TRIM16: variants seen among roughly 807,000 people sequenced by gnomAD.
TRIM16 encodes the protein tripartite motif containing 16.
Under a neutral mutation model 50.4 loss-of-function variants are expected in TRIM16, and 33 were observed. The ratio of observed to expected loss-of-function variants is 0.65; its 90% CI spans 0.50 to 0.88. The LOEUF is 0.88. Ranked by LOEUF, TRIM16 falls within the 40% of genes least tolerant of loss-of-function variation. TRIM16 has a pLI of 0.00. For synonymous variants in TRIM16, 229 were observed against 270.7 expected, an observed-to-expected ratio of 0.85 and a Z score of 1.51; for missense variants, 581 against 686.8, an observed-to-expected ratio of 0.85 and a Z score of 1.72.
At chr17:15,661,944 C>T (rs7213845) in intron 6 of TRIM16, among the ~76,000 whole-genome samples, 5,875 of 152,260 alleles carry the variant, frequency 0.039, 298 homozygotes, top group African/African-American at 0.12. Context: ...CAGGCCCAGG[C>T]ATCTGAATCC....
intron 6 of TRIM16, among the ~76,000 whole-genome samples, chr17:15,664,372 C>T (rs565423388): frequency 2.6e-4 from 40 of 152,250 alleles, no homozygotes; most frequent in Non-Finnish European, 3.7e-4. Context: ...GCACAGAAGA[C>T]GGGGACAGTA....
At chr17:15,643,648 A>G (rs1207869864) in intron 7 of TRIM16, among the ~76,000 whole-genome samples, 4 of 150,926 alleles carry the variant, frequency 2.7e-5, no homozygotes, top group Admixed American at 6.6e-5. Context: ...GGTCACTCAT[A>G]TTTGGCTCAG....
chr17:15,679,708 C>T (rs141095804), intron 4 of TRIM16, among the ~76,000 whole-genome samples: 1,760 of 152,198 alleles, frequency 0.012, 23 homozygotes, highest in Non-Finnish European at 0.02. Flanking sequence ...GAGGCCGAGG[C>T]GGGCAGATCA....
At chr17:15,650,289 C>T (rs1229360674) in intron 7 of TRIM16, among the ~76,000 whole-genome samples, 1 of 152,134 alleles carries the variant, frequency 6.6e-6, no homozygotes, top group Non-Finnish European at 1.5e-5. Flanking sequence ...CGACTGAAAA[C>T]TAAAAGTGTT....
intron 6 of TRIM16, among the ~76,000 whole-genome samples, chr17:15,673,180 G>T (rs1172803996): frequency 6.6e-6 from 1 of 152,208 alleles, no homozygotes; most frequent in Non-Finnish European, 1.5e-5. Context: ...ATTACTTTAA[G>T]AAGTCTTATT....
chr17:15,663,114 A>G (rs1278134573), intron 6 of TRIM16, among the ~76,000 whole-genome samples: 2 of 152,144 alleles, frequency 1.3e-5, no homozygotes, highest in African/African-American at 2.4e-5. Flanking sequence ...ATACCCCCTC[A>G]GGAACTGGCA....
chr17:15,658,769 T>A, intron 6 of TRIM16: 1 of 983,986 alleles, frequency 1.0e-6, no homozygotes, highest in Non-Finnish European at 1.2e-6. Context: ...GCATCACTCC[T>A]CTAGAAACCA....
At chr17:15,678,144 G>C (rs577791427) in intron 4 of TRIM16, among the ~76,000 whole-genome samples, 10 of 151,826 alleles carry the variant, frequency 6.6e-5, no homozygotes, top group Non-Finnish European at 1.5e-4. Context: ...GCGTGAACCC[G>C]GGAGGCGAAG....
chr17:15,629,240 C>T, intron 11 of TRIM16, 42 bp from the exon 12 acceptor site: 3 of 1,502,522 alleles, frequency 2.0e-6, no homozygotes, highest in Non-Finnish European at 2.7e-6. Context: ...CAGGAACTGA[C>T]AGCTGATTCA....
At chr17:15,662,625 A>G (rs1988291846) in intron 6 of TRIM16, among the ~76,000 whole-genome samples, 1 of 152,122 alleles carries the variant, frequency 6.6e-6, no homozygotes, top group African/African-American at 2.4e-5. Context: ...CGAGCTTGAG[A>G]GCAGATCAGC....
chr17:15,652,931 T>G (rs1987797974), intron 6 of TRIM16, among the ~76,000 whole-genome samples: 2 of 152,180 alleles, frequency 1.3e-5, no homozygotes, highest in African/African-American at 4.8e-5. Flanking sequence ...ACAGCCCTTT[T>G]GCCCACTTAA....
rs928964481 is a variant in TRIM16 at position 15,646,929 on chromosome 17, A to T, written c.520-4113T>A. Among the ~76,000 whole-genome samples the T allele has an allele frequency of 2.6e-5, 4 of 151,650 alleles. 1 individual carries two copies. Among genetic ancestry groups the T allele is most frequent in the Admixed American group, 2.0e-4 (3 of 15,244 alleles). ...GAATAAGAAAAACAAGTTACGTAAT[A>T]CTGAGTCCTGGGCATTCCCCAAAAT... On this transcript the variant is annotated intron_variant, in intron 7 of 11. Coordinates refer to ENST00000649191, the MANE Select transcript of TRIM16 (RefSeq NM_001348119.1).
At chr17:15,640,719 G>A (rs536607413) in intron 8 of TRIM16, among the ~76,000 whole-genome samples, 6 of 149,114 alleles carry the variant, frequency 4.0e-5, no homozygotes, top group Admixed American at 6.6e-5. Flanking sequence ...TGGGAGCGGG[G>A]GCAAATGGTG....
intron 6 of TRIM16, among the ~76,000 whole-genome samples, chr17:15,660,754 CG>C (rs1988189408): frequency 6.6e-6 from 1 of 151,750 alleles, no homozygotes. Context: ...AAAAATTAGC[CG>C]GGCGTGGTGG....
rs1986195224 is a variant in TRIM16 at position 15,628,056 on chromosome 17, A to T, written c.*559T>A. On this transcript the variant is annotated 3_prime_UTR_variant, in exon 12 of 12. Transcript: ENST00000649191. ...TCATCCATTCTGGGCACAGTGTGACATTTACCTGAACAGAGAGGAGAATGG... is the reference window on the plus strand; with the variant it reads ...TCATCCATTCTGGGCACAGTGTGACTTTTACCTGAACAGAGAGGAGAATGG... 1 of 152,516 alleles carries T rather than the reference A, an allele frequency of 6.6e-6. No individual in the cohort carries two copies. Among genetic ancestry groups the T allele is most frequent in the Non-Finnish European group, 1.5e-5 (1 of 68,338 alleles). 9.4% of individuals were successfully genotyped at this position (152,516 alleles called of 1,614,324 possible). A position where few individuals can be genotyped will look rare whatever the true frequency, so the allele number is the denominator to read the frequency against.
At chr17:15,645,698 G>GAA (rs1461203999) in intron 7 of TRIM16, among the ~76,000 whole-genome samples, 1 of 152,244 alleles carries the variant, frequency 6.6e-6, no homozygotes, top group East Asian at 1.9e-4. Context: ...AAGACTGGGG[G>GAA]AATTCCAGGC....
chr17:15,651,521 G>A lies in TRIM16; in HGVS notation c.89C>T (p.Pro30Leu). The part of the protein sequence containing the change: ...PAPLSPDSGS[P>L]SPDSGSASPV... ...GCTGGCTGACCCAGAATCTGGGCTG[G>A]GTGACCCAGAGTCTGGGCTGAGAGG... Residue 30 changes from proline (P) to leucine (L), a missense_variant, in exon 7 of 12, where the codon CCC (proline) becomes CTC (leucine). By Grantham distance (98) the Pro-to-Leu change is moderately conservative (BLOSUM62 -3). Coordinates refer to ENST00000649191, the MANE Select transcript of TRIM16 (RefSeq NM_001348119.1). The A allele has an allele frequency of 6.2e-7, 1 of 1,613,588 alleles. No individual in the cohort carries two copies. The highest frequency in any genetic ancestry group is 8.5e-7 in the Non-Finnish European group (1 of 1,179,704).
At chr17:15,629,292 G>T (rs1986282599) in intron 11 of TRIM16, 94 bp from the exon 12 acceptor site, 3 of 703,406 alleles carry the variant, frequency 4.3e-6, no homozygotes, top group African/African-American at 3.6e-5. Context: ...AAGCACATAT[G>T]AGAAAACATC....
At chr17:15,636,934 G>A (rs1986780316) in intron 8 of TRIM16, among the ~76,000 whole-genome samples, 1 of 149,544 alleles carries the variant, frequency 6.7e-6, no homozygotes, top group African/African-American at 2.5e-5. Flanking sequence ...TCTTTTGCAT[G>A]GTAAGCATCC....
Sources: allele counts gnomAD v4.1 joint callset (sites outside exome capture counted in the v4.1 genomes callset), GRCh38; gene constraint gnomAD v4.1.1; transcripts MANE v1.5; gene names NCBI Gene and HGNC (gene_info 2026-07-23, HGNC 2026-07-21).